Variants in PACSIN2 observed in about 807,000 individuals in gnomAD.
The protein encoded by PACSIN2 is protein kinase C and casein kinase substrate in neurons protein 2.
In PACSIN2, 25 loss-of-function variants were observed where a neutral mutation model predicts 63.8. The observed-to-expected ratio is 0.39, with a 90% confidence interval of 0.29 to 0.55. The LOEUF is 0.55. Among genes scored for constraint, PACSIN2 ranks in the 20% least tolerant of loss-of-function variants. PACSIN2 has a pLI of 0.62. For missense variants in PACSIN2, 518 were observed against 646.9 expected (o/e 0.80, Z 2.16); for synonymous variants, 255 against 256.2 (o/e 1.00, Z 0.05).
At chr22:42,911,696 T>C (rs193020132) in intron 2 of PACSIN2, among the ~76,000 whole-genome samples, 80 of 152,308 alleles carry the variant, frequency 5.3e-4, no homozygotes, top group Non-Finnish European at 1.1e-3. Context: ...GAGCAATTAG[T>C]GTCTGTCTCT....
At chr22:42,878,038 C>A (rs977694922) in intron 8 of PACSIN2, among the ~76,000 whole-genome samples, 1 of 152,238 alleles carries the variant, frequency 6.6e-6, no homozygotes, top group Non-Finnish European at 1.5e-5. Context: ...AGGCCAATAT[C>A]CAGGCCACAT....
intron 1 of PACSIN2, among the ~76,000 whole-genome samples, chr22:42,941,837 C>T (rs377705808): frequency 3.3e-5 from 5 of 152,266 alleles, no homozygotes; most frequent in Admixed American, 2.0e-4. Context: ...AGTGCAGTGG[C>T]GCATTCTCGG....
chr22:42,958,162 G>A (rs765284640), intron 1 of PACSIN2, among the ~76,000 whole-genome samples: 16 of 152,088 alleles, frequency 1.1e-4, no homozygotes, highest in Non-Finnish European at 2.1e-4. Flanking sequence ...GCAGATTACT[G>A]TAATGGAAAG....
chr22:42,907,038 TC>T (rs1191475759), intron 2 of PACSIN2, among the ~76,000 whole-genome samples: 3 of 152,156 alleles, frequency 2.0e-5, no homozygotes, highest in Non-Finnish European at 4.4e-5. Context: ...GCTCTTCCTT[TC>T]CCAGAGCAGC....
chr22:42,993,953 C>T (rs1262512367), intron 1 of PACSIN2, among the ~76,000 whole-genome samples: 3 of 152,228 alleles, frequency 2.0e-5, no homozygotes, highest in Non-Finnish European at 4.4e-5. Flanking sequence ...TGCTCACCCC[C>T]AAGCCACAGT....
At chr22:42,999,387 A>G (rs147104250) in intron 1 of PACSIN2, among the ~76,000 whole-genome samples, 249 of 152,322 alleles carry the variant, frequency 1.6e-3, no homozygotes, top group African/African-American at 5.5e-3. Context: ...ATCTGTCTAC[A>G]GGCCAGGCGT....
intron 1 of PACSIN2, among the ~76,000 whole-genome samples, chr22:42,935,402 T>C (rs958762985): frequency 6.6e-6 from 1 of 152,094 alleles, no homozygotes; most frequent in Admixed American, 6.5e-5. Flanking sequence ...CTGCCCCTCT[T>C]CCACATGTGC....
At chr22:42,921,298 G>A (rs1316074041) in intron 1 of PACSIN2, among the ~76,000 whole-genome samples, 4 of 151,518 alleles carry the variant, frequency 2.6e-5, no homozygotes, top group Non-Finnish European at 5.9e-5. Context: ...GGTGGAGGCT[G>A]CAGTGAGCCG....
chr22:42,918,472 A>G (rs1243319687), intron 1 of PACSIN2, among the ~76,000 whole-genome samples: 1 of 152,198 alleles, frequency 6.6e-6, no homozygotes, highest in Non-Finnish European at 1.5e-5. Context: ...CTTCAGATAT[A>G]TTATTTTTGT....
At chr22:42,882,160 C>T (rs755336044) in intron 7 of PACSIN2, 24 bp downstream of exon 7, 54 of 1,613,538 alleles carry the variant, frequency 3.3e-5, no homozygotes, top group Non-Finnish European at 3.4e-6. Flanking sequence ...GGCTGATGAG[C>T]TCATGGGCAC....
At chr22:42,931,590 A>G (rs1446578780) in intron 1 of PACSIN2, among the ~76,000 whole-genome samples, 7 of 152,222 alleles carry the variant, frequency 4.6e-5, no homozygotes, top group Non-Finnish European at 7.3e-5. Context: ...TGAAACAGGA[A>G]CAGCGAGGAA....
At chr22:42,889,764 G>C (rs775888248) in intron 4 of PACSIN2, among the ~76,000 whole-genome samples, 6 of 152,180 alleles carry the variant, frequency 3.9e-5, no homozygotes, top group Non-Finnish European at 8.8e-5. Flanking sequence ...GGGGTGGACA[G>C]ATGACAGCCT....
intron 1 of PACSIN2, among the ~76,000 whole-genome samples, chr22:42,981,404 G>A (rs1297993706): frequency 4.4e-5 from 6 of 135,686 alleles, no homozygotes; most frequent in Admixed American, 7.1e-5. Flanking sequence ...GAGGTGAGGG[G>A]CGCCTCTGCC....
At chr22:42,939,377 T>A (rs752689680) in intron 1 of PACSIN2, among the ~76,000 whole-genome samples, 13 of 152,104 alleles carry the variant, frequency 8.5e-5, no homozygotes, top group Non-Finnish European at 1.9e-4. Flanking sequence ...AGGACAAAAA[T>A]GACACTTTTT....
intron 1 of PACSIN2, among the ~76,000 whole-genome samples, chr22:42,942,490 T>C (rs1027115108): frequency 6.6e-6 from 1 of 152,216 alleles, no homozygotes; most frequent in Non-Finnish European, 1.5e-5. Flanking sequence ...TCACTTATTA[T>C]GACTAATTTT....
rs2146629763 is a variant in PACSIN2, at chr22:42,876,164, C to T, written c.1321G>A (p.Glu441Lys). Residue 441 changes from glutamate (E) to lysine (K), a missense_variant, in exon 10 of 11, where the codon GAG (glutamate) becomes AAG (lysine). Physicochemically the swap from Glu to Lys is moderately conservative, Grantham distance 56. Coordinates refer to ENST00000263246, the MANE Select transcript of PACSIN2 (RefSeq NM_001184970.3). ...VRALYDYEGQ[E>K]HDELSFKAGD... ...GCCTTGAAGCTCAGCTCATCATGCT[C>T]CTGCCCCTCATAGTCATACAGGGCC... The T allele has an allele frequency of 2.5e-6, 4 of 1,614,130 alleles. No homozygotes were observed. Among genetic ancestry groups the T allele is most frequent in the East Asian group, 2.2e-5 (1 of 44,882 alleles).
chr22:42,921,883 C>T (rs374958275), intron 1 of PACSIN2, among the ~76,000 whole-genome samples: 7 of 152,088 alleles, frequency 4.6e-5, no homozygotes, highest in South Asian at 2.1e-4. Flanking sequence ...GGATTACAGG[C>T]GCTCACCACC....
intron 1 of PACSIN2, among the ~76,000 whole-genome samples, chr22:42,968,945 CCA>C (rs1488385719): frequency 6.6e-6 from 1 of 152,136 alleles, no homozygotes; most frequent in African/African-American, 2.4e-5. Context: ...TACCGGCATC[CCA>C]GAGTCTCCAG....
chr22:43,001,853 T>C (rs978116239), intron 1 of PACSIN2, among the ~76,000 whole-genome samples: 1 of 152,024 alleles, frequency 6.6e-6, no homozygotes, highest in African/African-American at 2.4e-5. Context: ...AGCACTAAGG[T>C]CAGCTGGCCT....
Sources: gnomAD v4.1 joint callset for allele counts (sites outside exome capture counted in the v4.1 genomes callset) on GRCh38, gnomAD v4.1.1 for gene constraint, MANE v1.5 for transcripts, NCBI Gene and HGNC (gene_info 2026-07-23, HGNC 2026-07-21) for gene names.